Variants in SLC35F1 observed in about 807,000 individuals in gnomAD.
SLC35F1 encodes chromosome 6 open reading frame 169.
A neutral mutation model predicts 48.7 loss-of-function variants in SLC35F1; 14 were observed. The observed-to-expected ratio is 0.29, with a 90% CI of 0.19 to 0.45. The LOEUF (loss-of-function observed/expected upper bound fraction) is 0.45, where lower values mean the gene tolerates loss of function less well. SLC35F1 is among the 20% of genes least tolerant of loss of function. SLC35F1 has a pLI of 1.00. For synonymous variants in SLC35F1, 190 were observed against 202.2 expected, an observed-to-expected ratio of 0.94 and a Z score of 0.51; for missense variants, 404 against 500.0, an observed-to-expected ratio of 0.81 and a Z score of 1.83.
At chr6:118,103,466 G>A (rs1409394033) in intron 1 of SLC35F1, among the ~76,000 whole-genome samples, 1 of 152,226 alleles carries the variant, frequency 6.6e-6, no homozygotes, top group African/African-American at 2.4e-5. Flanking sequence ...CTGTCTGTTT[G>A]TGGAGTGTGG....
chr6:117,999,868 C>T (rs921107980), intron 1 of SLC35F1, among the ~76,000 whole-genome samples: 7 of 151,936 alleles, frequency 4.6e-5, no homozygotes, highest in African/African-American at 9.7e-5. Context: ...ATAAATTCCT[C>T]GACACATATA....
intron 2 of SLC35F1, among the ~76,000 whole-genome samples, chr6:118,160,147 A>G (rs1370394028): frequency 6.6e-6 from 1 of 152,206 alleles, no homozygotes; most frequent in Non-Finnish European, 1.5e-5. Flanking sequence ...TAATGAAAGC[A>G]TGACTAGAAT....
At chr6:117,934,821 A>C (rs1026317923) in intron 1 of SLC35F1, among the ~76,000 whole-genome samples, 2 of 152,090 alleles carry the variant, frequency 1.3e-5, no homozygotes, top group African/African-American at 4.8e-5. Context: ...AAAACTACTC[A>C]CTTGGCCGGG....
chr6:118,267,230 G>A, intron 4 of SLC35F1, 76 bp downstream of exon 4: 2 of 1,551,706 alleles, frequency 1.3e-6, no homozygotes, highest in East Asian at 2.3e-5. Context: ...GTTCATAGTT[G>A]GGTGAAAACA....
Position 118,029,528 on chromosome 6 carries a change from C to G in SLC35F1, c.173+121629C>G, listed in dbSNP as rs111319824. ...GTTTGTGTCAGGTATGTTGTATATA[C>G]AGGAAAAATCATAGTATATATTGAG... On this transcript the variant is annotated intron_variant, in intron 1 of 7. Transcript: ENST00000360388. Among the ~76,000 whole-genome samples, 778 of 152,200 alleles carry G rather than the reference C, an allele frequency of 5.1e-3. 7 individuals are homozygous for G. The highest frequency in any genetic ancestry group is 0.018 in the African/African-American group (733 of 41,518).
intron 1 of SLC35F1, among the ~76,000 whole-genome samples, chr6:118,025,706 C>A (rs1290767738): frequency 6.6e-6 from 1 of 152,076 alleles, no homozygotes; most frequent in Non-Finnish European, 1.5e-5. Flanking sequence ...TGATTATAAT[C>A]CCACACCATT....
rs1351600803 is a variant in SLC35F1, at chr6:118,131,234, GA to G, written c.174-23208del. Reference sequence around the variant, plus strand: ...ATTGATTCATCAAAGTTGTAACATAGAAAGCATAAAACAAAAAAAATCTGTT... The same window carrying G: ...ATTGATTCATCAAAGTTGTAACATAGAAGCATAAAACAAAAAAAATCTGTT... On this transcript the variant is annotated intron_variant, in intron 1 of 7. Coordinates refer to ENST00000360388, the MANE Select transcript of SLC35F1 (RefSeq NM_001029858.4). Among the ~76,000 whole-genome samples the G allele has an allele frequency of 2.9e-5, 4 of 137,532 alleles. No homozygotes were observed. The East Asian group carries it at 5.8e-4, about 20-fold the overall frequency. The allele number at this position is 137,532 out of a possible 152,430, so 90.2% of individuals were successfully genotyped here.
At chr6:118,216,974 A>T (rs1382010434) in intron 2 of SLC35F1, among the ~76,000 whole-genome samples, 2 of 152,170 alleles carry the variant, frequency 1.3e-5, no homozygotes, top group African/African-American at 4.8e-5. Context: ...GTTGTCATGC[A>T]ATGGCCTGAG....
chr6:117,911,642 C>T lies in SLC35F1; in HGVS notation c.173+3743C>T, dbSNP rs530828912. ...TAAATTTTTAGTAGAATCGAGGTCT[C>T]GTTCTGTTTCCCAGGCTGGCCTCAA... On this transcript the variant is annotated intron_variant, in intron 1 of 7. Coordinates refer to ENST00000360388, the MANE Select transcript of SLC35F1 (RefSeq NM_001029858.4). Among the ~76,000 whole-genome samples the T allele has an allele frequency of 6.6e-5, 10 of 152,054 alleles. No individual in the cohort carries two copies. The South Asian group carries it at 1.2e-3, about 19-fold the overall frequency.
intron 1 of SLC35F1, among the ~76,000 whole-genome samples, chr6:117,948,022 A>C (rs1776316574): frequency 6.6e-6 from 1 of 152,198 alleles, no homozygotes; most frequent in Non-Finnish European, 1.5e-5. Flanking sequence ...TCTGTAGCTA[A>C]TACAAAAACA....
At chr6:118,020,110 C>T (rs901244634) in intron 1 of SLC35F1, among the ~76,000 whole-genome samples, 1 of 152,096 alleles carries the variant, frequency 6.6e-6, no homozygotes, top group African/African-American at 2.4e-5. Flanking sequence ...AACTAATTCA[C>T]CATAATGTAT....
chr6:118,272,221 T>G (rs1288300826), intron 4 of SLC35F1, among the ~76,000 whole-genome samples: 3 of 152,096 alleles, frequency 2.0e-5, no homozygotes. Flanking sequence ...AAGAGAACAG[T>G]TGGCTGCGGG....
At chr6:118,136,225 T>A (rs989887781) in intron 1 of SLC35F1, among the ~76,000 whole-genome samples, 7 of 152,178 alleles carry the variant, frequency 4.6e-5, no homozygotes, top group African/African-American at 1.7e-4. Flanking sequence ...ATTGGAGTAT[T>A]TGTGAAGAAT....
intron 1 of SLC35F1, among the ~76,000 whole-genome samples, chr6:118,027,329 A>G (rs894645541): frequency 1.3e-5 from 2 of 152,110 alleles, no homozygotes; most frequent in African/African-American, 4.8e-5. Context: ...GCTGTGTCAT[A>G]TAGCAAATGT....
At chr6:118,199,451 C>A (rs576347615) in intron 2 of SLC35F1, among the ~76,000 whole-genome samples, 1 of 152,090 alleles carries the variant, frequency 6.6e-6, no homozygotes, top group Non-Finnish European at 1.5e-5. Flanking sequence ...GTTATATGAA[C>A]GTGTCATGAT....
chr6:118,079,876 A>ACAGGACTTT (rs1772880476), intron 1 of SLC35F1, among the ~76,000 whole-genome samples: 1 of 152,176 alleles, frequency 6.6e-6, no homozygotes, highest in South Asian at 2.1e-4. Flanking sequence ...TGTCTAGTAC[A>ACAGGACTTT]CAGGACTTTC....
intron 1 of SLC35F1, among the ~76,000 whole-genome samples, chr6:118,123,931 G>C (rs1773588359): frequency 6.6e-6 from 1 of 152,114 alleles, no homozygotes; most frequent in Non-Finnish European, 1.5e-5. Context: ...TCTTTTGGGA[G>C]GTGGCAAAGT....
chr6:118,270,133 C>T (rs766550453), intron 4 of SLC35F1, among the ~76,000 whole-genome samples: 4 of 152,164 alleles, frequency 2.6e-5, no homozygotes, highest in Non-Finnish European at 4.4e-5. Flanking sequence ...TATGTTTCAT[C>T]TTCGTTTGGG....
chr6:118,084,255 A>G (rs1772952607), intron 1 of SLC35F1, among the ~76,000 whole-genome samples: 1 of 152,116 alleles, frequency 6.6e-6, no homozygotes, highest in South Asian at 2.1e-4. Flanking sequence ...TTTTAAGTTT[A>G]AACTTGTTAA....
Sources: allele counts gnomAD v4.1 joint callset (sites outside exome capture counted in the v4.1 genomes callset), GRCh38; gene constraint gnomAD v4.1.1; transcripts MANE v1.5; gene names NCBI Gene and HGNC (gene_info 2026-07-23, HGNC 2026-07-21).